Variants in SPTB observed in about 807,000 individuals in gnomAD.
SPTB encodes the protein spectrin beta, erythrocytic, also known as spectrin beta chain, erythrocytic.
SPTB carries 45 observed loss-of-function variants against 256.2 expected under a neutral mutation model. That is an observed-to-expected ratio of 0.18 (90% CI 0.14 to 0.23). The LOEUF is 0.23. SPTB is among the 10% of genes least tolerant of loss of function. The pLI is 1.00. For missense variants in SPTB, 2,715 were observed against 3,040.4 expected, an observed-to-expected ratio of 0.89 and a Z score of 2.52; for synonymous variants, 1,231 against 1,243.1, an observed-to-expected ratio of 0.99 and a Z score of 0.21.
intron 20 of SPTB, among the ~76,000 whole-genome samples, chr14:64,781,951 A>C (rs2082479441): frequency 6.6e-6 from 1 of 152,236 alleles, no homozygotes; most frequent in Admixed American, 6.5e-5. Flanking sequence ...ATCCTTAGCA[A>C]ACTGATGCAG....
In SPTB at chr14:64,825,784, G is replaced by A. The variant is rs575814150; in HGVS notation, c.-51-2639C>T. Among the ~76,000 whole-genome samples, 10 of 152,336 alleles carry A rather than the reference G, an allele frequency of 6.6e-5. No homozygotes were observed. The highest frequency in any genetic ancestry group is 7.2e-5 in the African/African-American group (3 of 41,570). ...CCAGAAAGATGAGCCTGAGCAGGCC[G>A]ACCAGCAGGCCCAGCGTTCAAGACA... is the stretch of plus-strand genomic sequence containing the variant. On this transcript the variant is annotated intron_variant, in intron 1 of 35. Coordinates refer to ENST00000644917, the MANE Select transcript of SPTB (RefSeq NM_001355436.2). This position sits in a 1 kb window ranked among gnomAD's most constrained non-coding sequence, Gnocchi z 4.8.
At position 64,793,230 on chromosome 14, in the gene SPTB, T is replaced by A. The variant is rs2082706340; in HGVS notation, c.2433A>T (p.Glu811Asp). 1 of 1,610,480 alleles carries A rather than the reference T, an allele frequency of 6.2e-7. No homozygotes were observed. The highest frequency in any genetic ancestry group is 1.7e-5 in the Admixed American group (1 of 60,024). The part of the protein sequence containing the change: ...HLEQQAQGFP[E>D]EFRDSPDVTH... Reference sequence around the variant, plus strand: ...TCACATCTGGGGAATCCCGAAACTCTTCGGGGAATCCCTGGGCCTGCTGCT... The same window carrying A: ...TCACATCTGGGGAATCCCGAAACTCATCGGGGAATCCCTGGGCCTGCTGCT... Residue 811 changes from glutamate to aspartate, a missense_variant, in exon 14 of 36, where the codon GAA becomes GAT. This residue lies in a region of SPTB where 2,239 missense variants were observed against 2,384.4 expected (regional missense o/e 0.94). Coordinates refer to ENST00000644917, the MANE Select transcript of SPTB (RefSeq NM_001355436.2). This position sits in a 1 kb window ranked among gnomAD's most constrained non-coding sequence, Gnocchi z 7.0.
rs895569963 is a variant in SPTB, at chr14:64,804,804, T to A, written c.300+135A>T. On this transcript the variant is annotated intron_variant, in intron 3 of 35. Coordinates refer to ENST00000644917, the MANE Select transcript of SPTB (RefSeq NM_001355436.2). ...AGTCAGCCACACGGATGCTTCCCAT[T>A]CTAAGTATTAGAGCCTCCCAAAGGA... 9.4e-6 allele frequency: 11 copies of A among 1,171,286 alleles called. No individual in the cohort carries two copies. In the African/African-American group the frequency reaches 1.2e-4, roughly 13 times the overall value. 72.6% of individuals were successfully genotyped at this position (1,171,286 alleles called of 1,614,324 possible). A position where few individuals can be genotyped will look rare whatever the true frequency, so the allele number is the denominator to read the frequency against.
In SPTB at chr14:64,765,025, C is replaced by CGTGTGT. The variant is rs565885364; in HGVS notation, c.6345+1695_6345+1700dup. 7.9e-3 allele frequency among the ~76,000 whole-genome samples: 940 copies of CGTGTGT among 118,254 alleles called. 8 individuals are homozygous for CGTGTGT. Among genetic ancestry groups the CGTGTGT allele is most frequent in the African/African-American group, 0.012 (392 of 31,736 alleles). 77.6% of individuals were successfully genotyped at this position (118,254 alleles called of 152,430 possible). On this transcript the variant is annotated intron_variant, in intron 32 of 35. Transcript: ENST00000644917. The stretch of plus-strand genomic sequence containing the variant: ...GCTGGAGGCCACAGAGGAGTGTGTG[C>CGTGTGT]GTGTGTGTGTGTGTGTGCGCGCGCG...
chr14:64,860,656 C>T (rs1479154984), intron 1 of SPTB, among the ~76,000 whole-genome samples: 1 of 152,190 alleles, frequency 6.6e-6, no homozygotes, highest in Non-Finnish European at 1.5e-5. Context: ...ATAAGTTCAT[C>T]AGTCTGTCAA....
intron 31 of SPTB, 80 bp from the exon 32 acceptor site, chr14:64,766,881 G>C: frequency 6.4e-7 from 1 of 1,558,134 alleles, no homozygotes; most frequent in Non-Finnish European, 8.8e-7. Context: ...CTTTTCACCT[G>C]CGCCCACAGG....
intron 1 of SPTB, among the ~76,000 whole-genome samples, chr14:64,859,532 C>T (rs1230930877): frequency 6.6e-6 from 1 of 152,150 alleles, no homozygotes; most frequent in Non-Finnish European, 1.5e-5. Flanking sequence ...ATTGCTTGAG[C>T]TGAGGAGTTT....
chr14:64,837,636 T>C (rs2083545196), intron 1 of SPTB, among the ~76,000 whole-genome samples: 1 of 152,172 alleles, frequency 6.6e-6, no homozygotes, highest in Non-Finnish European at 1.5e-5. Flanking sequence ...AGTTTTGCTC[T>C]TGTTGCCCAG....
intron 1 of SPTB, among the ~76,000 whole-genome samples, chr14:64,865,596 A>G (rs1038817087): frequency 6.6e-6 from 1 of 152,154 alleles, no homozygotes; most frequent in African/African-American, 2.4e-5. Flanking sequence ...TACATTGAGG[A>G]CACTGTACTG....
chr14:64,806,340 C>T lies in SPTB; in HGVS notation c.149-1250G>A, dbSNP rs2139647254. On this transcript the variant is annotated intron_variant, in intron 2 of 35. Coordinates refer to ENST00000644917, the MANE Select transcript of SPTB (RefSeq NM_001355436.2). This position sits in a 1 kb window ranked among gnomAD's most constrained non-coding sequence, Gnocchi z 4.1. Reference sequence around the variant, plus strand: ...AGGTGACTTGGCAGTGAGGCTGGGCCTGAGGGTTGTGGAGGATCCCTGGGG... The same window carrying T: ...AGGTGACTTGGCAGTGAGGCTGGGCTTGAGGGTTGTGGAGGATCCCTGGGG... 6.6e-6 allele frequency among the ~76,000 whole-genome samples: 1 copy of T among 152,176 alleles called. No individual in the cohort carries two copies. Among genetic ancestry groups the T allele is most frequent in the African/African-American group, 2.4e-5 (1 of 41,514 alleles).
At chr14:64,787,341 A>G (rs996117393) in intron 15 of SPTB, among the ~76,000 whole-genome samples, 181 bp from the exon 16 acceptor site, 1 of 152,156 alleles carries the variant, frequency 6.6e-6, no homozygotes, top group African/African-American at 2.4e-5. Context: ...CACTTCTCCA[A>G]TTTTACTCAA....
chr14:64,842,759 C>T (rs1229842699), intron 1 of SPTB, among the ~76,000 whole-genome samples: 3 of 152,158 alleles, frequency 2.0e-5, no homozygotes, highest in African/African-American at 7.2e-5. Flanking sequence ...ATAGCAACTA[C>T]ACCCCCCTCT....
intron 1 of SPTB, among the ~76,000 whole-genome samples, chr14:64,838,024 C>A (rs1167309943): frequency 6.6e-6 from 1 of 152,176 alleles, no homozygotes; most frequent in African/African-American, 2.4e-5. Context: ...TCAAGACTTA[C>A]CACAAAGCTA....
chr14:64,829,427 C>A (rs1424128948), intron 1 of SPTB, among the ~76,000 whole-genome samples: 4 of 152,250 alleles, frequency 2.6e-5, no homozygotes, highest in East Asian at 3.9e-4. Flanking sequence ...ATTTAAAAAA[C>A]CACATTTTTG....
intron 33 of SPTB, among the ~76,000 whole-genome samples, chr14:64,753,116 A>C (rs2139430155): frequency 6.6e-6 from 1 of 152,274 alleles, no homozygotes; most frequent in Non-Finnish European, 1.5e-5. Context: ...GGCTCGAACA[A>C]GGATGTTGTT....
chr14:64,879,362 T>A lies in SPTB; in HGVS notation c.-52+430A>T, dbSNP rs572328998. Among the ~76,000 whole-genome samples, 190 of 152,272 alleles carry A rather than the reference T, an allele frequency of 1.2e-3. 1 individual carries two copies. The highest frequency in any genetic ancestry group is 1.4e-3 in the Admixed American group (21 of 15,310). ...AGAGGGATATGAGCGGCCACAAGGCTGAGAAGCCGGACAAAAAAAGGCAGA... is the reference window on the plus strand; with the variant it reads ...AGAGGGATATGAGCGGCCACAAGGCAGAGAAGCCGGACAAAAAAAGGCAGA... On this transcript the variant is annotated intron_variant, in intron 1 of 35. Transcript: ENST00000644917.
chr14:64,825,410 C>A lies in SPTB; in HGVS notation c.-51-2265G>T, dbSNP rs1404377482. ...CTGCTTCCAGGACTGAGATTTCGCA[C>A]CCAACTGGCTGGGCAACGATAGCCG... On this transcript the variant is annotated intron_variant, in intron 1 of 35. Coordinates refer to ENST00000644917, the MANE Select transcript of SPTB (RefSeq NM_001355436.2). The surrounding 1 kb of genome is among the most constrained non-coding windows in gnomAD (Gnocchi z 4.8). Among the ~76,000 whole-genome samples the A allele has an allele frequency of 1.3e-5, 2 of 152,186 alleles. No individual in the cohort carries two copies. Among genetic ancestry groups the A allele is most frequent in the East Asian group, 3.9e-4 (2 of 5,192 alleles).
intron 1 of SPTB, among the ~76,000 whole-genome samples, chr14:64,878,925 A>G (rs1282957873): frequency 2.0e-5 from 3 of 152,198 alleles, no homozygotes; most frequent in African/African-American, 4.8e-5. Flanking sequence ...TCAAGGCCCT[A>G]CCTGAAGCTC....
In SPTB at chr14:64,772,564, A is replaced by AG. The variant is rs368080074; in HGVS notation, c.5553+15dup. Reference sequence around the variant, plus strand: ...TGGAAATTGGTAGCAGGTGGGCGGCAGGGGGCTGAAGGTACCTGGACACCC... The same window carrying AG: ...TGGAAATTGGTAGCAGGTGGGCGGCAGGGGGGCTGAAGGTACCTGGACACCC... On this transcript the variant is annotated intron_variant, in intron 26 of 35. Coordinates refer to ENST00000644917, the MANE Select transcript of SPTB (RefSeq NM_001355436.2). This position sits in a 1 kb window ranked among gnomAD's most constrained non-coding sequence, Gnocchi z 5.4. 1,639 of 1,602,676 alleles carry AG rather than the reference A, an allele frequency of 1.0e-3. 10 individuals carry two copies. The African/African-American group carries it at 0.019, about 18-fold the overall frequency.
Sources: allele counts gnomAD v4.1 joint callset (sites outside exome capture counted in the v4.1 genomes callset), GRCh38; gene constraint gnomAD v4.1.1; regional missense constraint gnomAD v4.1.1; non-coding constraint Gnocchi (gnomAD v3.1); transcripts MANE v1.5; gene names NCBI Gene and HGNC (gene_info 2026-07-23, HGNC 2026-07-21).